NEGR1: variants seen among roughly 807,000 people sequenced by gnomAD.
NEGR1 encodes the protein neuronal growth regulator 1, also known as IgLON family member 4.
NEGR1 carries 10 observed loss-of-function variants against 40.9 expected under a neutral mutation model. The observed-to-expected ratio is 0.24, with a 90% CI of 0.15 to 0.42. The LOEUF (loss-of-function observed/expected upper bound fraction) is 0.42. Ranked by LOEUF, NEGR1 falls within the 10% of genes least tolerant of loss-of-function variation. The pLI is 1.00. For synonymous variants in NEGR1, 185 were observed against 166.8 expected (o/e 1.11, Z -0.84); for missense variants, 352 against 438.9 (o/e 0.80, Z 1.77).
intron 1 of NEGR1, among the ~76,000 whole-genome samples, chr1:72,246,375 T>C (rs1654903990): frequency 6.6e-6 from 1 of 152,234 alleles, no homozygotes; most frequent in South Asian, 2.1e-4. Flanking sequence ...CTCTATGCAC[T>C]GTGCTCTAAC....
At position 71,742,797 on chromosome 1, in the gene NEGR1, T is replaced by C. The variant is rs757581758; in HGVS notation, c.535+33375A>G. The stretch of plus-strand genomic sequence containing the variant: ...GTTGGAACACATCAAGACTTGGTTA[T>C]TGGGATTAAATGAATGTATTTTGCA... On this transcript the variant is annotated intron_variant, in intron 3 of 6. Coordinates refer to ENST00000357731, the MANE Select transcript of NEGR1 (RefSeq NM_173808.3). 3.4e-4 allele frequency among the ~76,000 whole-genome samples: 52 copies of C among 152,130 alleles called. 1 individual carries two copies. The highest frequency in any genetic ancestry group is 5.6e-4 in the African/African-American group (23 of 41,420).
chr1:71,876,686 T>TCA (rs1309952346), intron 2 of NEGR1, among the ~76,000 whole-genome samples: 1 of 152,070 alleles, frequency 6.6e-6, no homozygotes, highest in Non-Finnish European at 1.5e-5. Context: ...GTGAATTCTT[T>TCA]CAGTTGGAGA....
At chr1:72,057,668 C>A (rs374004297) in intron 1 of NEGR1, among the ~76,000 whole-genome samples, 2 of 151,312 alleles carry the variant, frequency 1.3e-5, no homozygotes, top group East Asian at 3.9e-4. Flanking sequence ...TAATAAAATA[C>A]CATGAATTGA....
At position 71,482,320 on chromosome 1, in the gene NEGR1, T is replaced by C. The variant is rs12034391; in HGVS notation, c.941-74750A>G. Among the ~76,000 whole-genome samples the C allele has an allele frequency of 0.011, 1,735 of 151,902 alleles. 81 individuals are homozygous for C. The East Asian group carries it at 0.18, about 16-fold the overall frequency. ...GTTGATGAGAAACATCTAGCATGTA[T>C]AGAATTTTTTTTAACATAGCAGGCA... On this transcript the variant is annotated intron_variant, in intron 6 of 6. Transcript: ENST00000357731.
rs71095944 is a variant in NEGR1 at position 71,527,402 on chromosome 1, ACCATCCATCCAT to A, written c.940+65403_940+65414del. ...CATCCATCCATCCATCCATCCAACC[ACCATCCATCCAT>A]CCATCCATCCATCCATCCATCCATC... On this transcript the variant is annotated intron_variant, in intron 6 of 6. Transcript: ENST00000357731. Among the ~76,000 whole-genome samples the A allele has an allele frequency of 3.8e-3, 556 of 147,904 alleles. 5 individuals carry two copies. Among genetic ancestry groups the A allele is most frequent in the Admixed American group, 0.017 (252 of 14,780 alleles).
chr1:71,505,310 T>C (rs918931056), intron 6 of NEGR1, among the ~76,000 whole-genome samples: 1 of 152,046 alleles, frequency 6.6e-6, no homozygotes, highest in African/African-American at 2.4e-5. Flanking sequence ...TTTTTTGAGA[T>C]GGAGTCTCGC....
intron 3 of NEGR1, among the ~76,000 whole-genome samples, chr1:71,708,165 G>A (rs1461507964): frequency 6.6e-6 from 1 of 151,624 alleles, no homozygotes; most frequent in Non-Finnish European, 1.5e-5. Context: ...AACTCGAAAG[G>A]CAACAAGTAC....
chr1:72,199,673 C>T (rs1172939266), intron 1 of NEGR1, among the ~76,000 whole-genome samples: 1 of 151,924 alleles, frequency 6.6e-6, no homozygotes, highest in Non-Finnish European at 1.5e-5. Context: ...TATGAAATTG[C>T]AATATGCATT....
chr1:71,761,648 G>C (rs893775814), intron 3 of NEGR1, among the ~76,000 whole-genome samples: 1 of 151,888 alleles, frequency 6.6e-6, no homozygotes, highest in South Asian at 2.1e-4. Flanking sequence ...CCCTTTTAAG[G>C]CTCCCTCAAT....
intron 1 of NEGR1, 62 bp from the exon 2 acceptor site, chr1:71,935,373 T>C: frequency 8.5e-7 from 1 of 1,175,170 alleles, no homozygotes; most frequent in Non-Finnish European, 1.3e-6. Context: ...AACATTATTT[T>C]GTTCTGAGTG....
chr1:71,630,486 G>T (rs1433857802), intron 4 of NEGR1, among the ~76,000 whole-genome samples: 7 of 151,938 alleles, frequency 4.6e-5, no homozygotes, highest in Non-Finnish European at 8.8e-5. Flanking sequence ...ACAAGATGAT[G>T]CTCCCCATTG....
intron 1 of NEGR1, among the ~76,000 whole-genome samples, chr1:72,065,934 C>A (rs1011634273): frequency 6.6e-6 from 1 of 151,940 alleles, no homozygotes; most frequent in African/African-American, 2.4e-5. Context: ...GCCAAATACA[C>A]AAACCAAGAA....
At chr1:72,220,177 AT>A (rs1653964987) in intron 1 of NEGR1, among the ~76,000 whole-genome samples, 1 of 151,472 alleles carries the variant, frequency 6.6e-6, no homozygotes. Context: ...TCAGAAAAAA[AT>A]GAATACAATA....
At chr1:71,821,273 G>A (rs1342698612) in intron 2 of NEGR1, among the ~76,000 whole-genome samples, 3 of 151,942 alleles carry the variant, frequency 2.0e-5, no homozygotes, top group Non-Finnish European at 4.4e-5. Context: ...AGATGAGCAA[G>A]AGGTAGCTAA....
intron 2 of NEGR1, among the ~76,000 whole-genome samples, chr1:71,908,214 CA>C (rs80097153): frequency 0.016 from 1,771 of 112,316 alleles, 13 homozygotes; most frequent in African/African-American, 0.03. Flanking sequence ...AATGCCACTA[CA>C]AAAAAAAAAA....
intron 2 of NEGR1, among the ~76,000 whole-genome samples, chr1:71,878,603 A>G (rs545998671): frequency 2.7e-4 from 41 of 152,342 alleles, no homozygotes; most frequent in Admixed American, 1.6e-3. Context: ...CCATTATGAA[A>G]AATAATAAAT....
intron 1 of NEGR1, among the ~76,000 whole-genome samples, chr1:72,071,670 C>T (rs959783699): frequency 1.1e-4 from 17 of 152,106 alleles, no homozygotes; most frequent in African/African-American, 3.9e-4. Flanking sequence ...TCTCTCATCC[C>T]ACTTTTGCAC....
At chr1:72,169,459 G>C (rs988268135) in intron 1 of NEGR1, among the ~76,000 whole-genome samples, 20 of 152,036 alleles carry the variant, frequency 1.3e-4, no homozygotes, top group African/African-American at 4.8e-4. Flanking sequence ...TAAGTTAATT[G>C]TCTATTATAA....
intron 1 of NEGR1, among the ~76,000 whole-genome samples, chr1:72,263,555 T>A (rs1407731003): frequency 1.3e-5 from 2 of 151,664 alleles, no homozygotes; most frequent in African/African-American, 4.8e-5. Context: ...GTGAATAAAA[T>A]CTGCTGTTAT....
Sources: gnomAD v4.1 joint callset for allele counts (sites outside exome capture counted in the v4.1 genomes callset) on GRCh38, gnomAD v4.1.1 for gene constraint, MANE v1.5 for transcripts, NCBI Gene and HGNC (gene_info 2026-07-23, HGNC 2026-07-21) for gene names.